The following GLT8D2 variants were observed in gnomAD, a reference collection of about 807,000 sequenced individuals.
GLT8D2 encodes glycosyltransferase 8 domain-containing protein 2.
Under a neutral mutation model 44.5 loss-of-function variants are expected in GLT8D2, and 45 were observed. The observed-to-expected ratio is 1.01, with a 90% confidence interval of 0.80 to 1.30. GLT8D2 has a LOEUF of 1.30. GLT8D2 is among the 50% of genes most tolerant of loss of function. The pLI, the probability that GLT8D2 is intolerant of heterozygous loss-of-function variation, is 0.00. For missense variants in GLT8D2, 400 were observed against 430.4 expected (o/e 0.93, Z 0.62); for synonymous variants, 156 against 157.2 (o/e 0.99, Z 0.06).
rs573809205 is a variant in GLT8D2, at chr12:103,999,295, T to C, written c.402+102A>G. 4.3e-5 allele frequency: 29 copies of C among 670,604 alleles called. No homozygotes were observed. The East Asian group carries it at 7.3e-4, about 17-fold the overall frequency. 41.5% of individuals were successfully genotyped at this position (670,604 alleles called of 1,614,324 possible). On this transcript the variant is annotated intron_variant, in intron 6 of 10. Coordinates refer to ENST00000360814, the MANE Select transcript of GLT8D2 (RefSeq NM_001384711.1). ...TTGGTGGAGATCAACTCCACATGGCTTCAAAAATAATATTCCACATGCATC... is the reference window on the plus strand; with the variant it reads ...TTGGTGGAGATCAACTCCACATGGCCTCAAAAATAATATTCCACATGCATC...
intron 1 of GLT8D2, among the ~76,000 whole-genome samples, chr12:104,044,623 C>A (rs915554515): frequency 6.6e-6 from 1 of 152,206 alleles, no homozygotes; most frequent in Admixed American, 6.5e-5. Context: ...ATCACCGAGT[C>A]CTACTAATTA....
At chr12:104,019,547 G>A (rs1398932927) in intron 3 of GLT8D2, 83 bp downstream of exon 3, 3 of 1,087,244 alleles carry the variant, frequency 2.8e-6, no homozygotes, top group South Asian at 2.9e-5. Flanking sequence ...ATCCAAGAAA[G>A]AAGAAAAGAG....
At position 103,989,280 on chromosome 12, in the gene GLT8D2, A is replaced by G; in HGVS notation, c.*128T>C. ...GTCCAAGGTATAATTTGCACACAGT[A>G]GTTTTTGGTTTTTATATTGTGGATC... On this transcript the variant is annotated 3_prime_UTR_variant, in exon 11 of 11. Coordinates refer to ENST00000360814, the MANE Select transcript of GLT8D2 (RefSeq NM_001384711.1). 1 of 706,750 alleles carries G rather than the reference A, an allele frequency of 1.4e-6. No homozygotes were observed. Among genetic ancestry groups the G allele is most frequent in the East Asian group, 2.8e-5 (1 of 36,036 alleles). 43.8% of individuals were successfully genotyped at this position (706,750 alleles called of 1,614,324 possible).
intron 1 of GLT8D2, among the ~76,000 whole-genome samples, chr12:104,022,074 G>GAAAGA (rs1877966436): frequency 3.4e-5 from 3 of 88,464 alleles, no homozygotes; most frequent in African/African-American, 1.4e-4. Context: ...AAGAAAGAAA[G>GAAAGA]AAAAAAAAAG....
At chr12:104,021,733 G>T (rs1877667352) in intron 1 of GLT8D2, among the ~76,000 whole-genome samples, 2 of 151,218 alleles carry the variant, frequency 1.3e-5, no homozygotes, top group African/African-American at 4.9e-5. Context: ...AGGCTGCAGT[G>T]AGCCATGGCT....
In GLT8D2 at chr12:103,989,075, A is replaced by C. The variant is rs1872386724; in HGVS notation, c.*333T>G. The C allele has an allele frequency of 5.8e-6, 1 of 173,678 alleles. No homozygotes were observed. Among genetic ancestry groups the C allele is most frequent in the South Asian group, 1.9e-4 (1 of 5,142 alleles). The allele number at this position is 173,678 out of a possible 1,614,324, so 10.8% of individuals were successfully genotyped here. A position where few individuals can be genotyped will look rare whatever the true frequency, so the allele number is the denominator to read the frequency against. ...AAAAGGTTGGCAACCTGTTAAGGAGATCTTCATGTGAAAAATACATGTAGA... is the reference window on the plus strand; with the variant it reads ...AAAAGGTTGGCAACCTGTTAAGGAGCTCTTCATGTGAAAAATACATGTAGA... On this transcript the variant is annotated 3_prime_UTR_variant, in exon 11 of 11. Transcript: ENST00000360814.
intron 1 of GLT8D2, among the ~76,000 whole-genome samples, chr12:104,024,985 G>A (rs888015059): frequency 4.1e-5 from 6 of 147,466 alleles, no homozygotes; most frequent in Non-Finnish European, 5.9e-5. Flanking sequence ...CAGGAGAATT[G>A]CCTGAACCTG....
intron 4 of GLT8D2, among the ~76,000 whole-genome samples, chr12:104,007,248 C>CTCTCTCTCTCTCTCTCTCTCTCTCTA (rs1875168176): frequency 6.8e-6 from 1 of 146,994 alleles, no homozygotes; most frequent in Non-Finnish European, 1.5e-5. Flanking sequence ...CTCTCTCTCT[C>CTCTCTCTCTCTCTCTCTCTCTCTCTA]TCTCTCTCTC....
Position 104,031,110 on chromosome 12 carries a change from A to G in GLT8D2, c.-163-9619T>C, listed in dbSNP as rs1593558767. 1.1e-5 allele frequency: 9 copies of G among 807,116 alleles called. No homozygotes were observed. The South Asian group carries it at 1.6e-4, about 14-fold the overall frequency. 50.0% of individuals were successfully genotyped at this position (807,116 alleles called of 1,614,324 possible). On this transcript the variant is annotated intron_variant, in intron 1 of 10. Coordinates refer to ENST00000360814, the MANE Select transcript of GLT8D2 (RefSeq NM_001384711.1). ...ACTGCTGCAAAGCATTGTGAGGCCC[A>G]GGTGAAGATCTGGAGGCGCTCCTAT...
rs185012274 is a variant in GLT8D2, at chr12:104,009,865, A to G, written c.112+5148T>C. On this transcript the variant is annotated intron_variant, in intron 4 of 10. Coordinates refer to ENST00000360814, the MANE Select transcript of GLT8D2 (RefSeq NM_001384711.1). Reference sequence around the variant, plus strand: ...TCATTTTCTTTTGCTGCTGCCATGTAAGAAGTGCCTTTCACCTCCCACATG... The same window carrying G: ...TCATTTTCTTTTGCTGCTGCCATGTGAGAAGTGCCTTTCACCTCCCACATG... Among the ~76,000 whole-genome samples, 8 of 152,268 alleles carry G rather than the reference A, an allele frequency of 5.3e-5. No individual in the cohort carries two copies. The East Asian group carries it at 1.5e-3, about 29-fold the overall frequency.
chr12:104,063,937 A>C (rs1429042616), intron 1 of GLT8D2: 1 of 152,332 alleles, frequency 6.6e-6, no homozygotes, highest in Non-Finnish European at 1.5e-5. Context: ...AAGCCAAACA[A>C]ACCAAAAATA....
intron 1 of GLT8D2, among the ~76,000 whole-genome samples, chr12:104,055,709 T>A (rs2722171): frequency 6.6e-6 from 1 of 152,132 alleles, no homozygotes; most frequent in Admixed American, 6.5e-5. Context: ...GGTCTGCCTT[T>A]ACTGAGTATA....
rs190045368 is a variant in GLT8D2 at position 104,022,007 on chromosome 12, A to G, written c.-163-516T>C. Among the ~76,000 whole-genome samples the G allele has an allele frequency of 1.7e-4, 13 of 76,730 alleles. 1 individual carries two copies. Among genetic ancestry groups the G allele is most frequent in the African/African-American group, 5.2e-4 (8 of 15,498 alleles). 50.3% of individuals were successfully genotyped at this position (76,730 alleles called of 152,430 possible). Reference sequence around the variant, plus strand: ...AGGAAGAAGAAGAAGAAGAAGAAGAAGAAGAAGAAGAAGAAAAAGAAGAAG... The same window carrying G: ...AGGAAGAAGAAGAAGAAGAAGAAGAGGAAGAAGAAGAAGAAAAAGAAGAAG... On this transcript the variant is annotated intron_variant, in intron 1 of 10. Coordinates refer to ENST00000360814, the MANE Select transcript of GLT8D2 (RefSeq NM_001384711.1).
At chr12:104,055,312 G>T (rs150372841) in intron 1 of GLT8D2, among the ~76,000 whole-genome samples, 5 of 152,246 alleles carry the variant, frequency 3.3e-5, no homozygotes. Context: ...AGCCTCTCAG[G>T]ACACTGAACA....
intron 5 of GLT8D2, 23 bp from the exon 6 acceptor site, chr12:103,999,537 CT>C (rs1873933782): frequency 1.1e-5 from 15 of 1,361,236 alleles, no homozygotes; most frequent in Non-Finnish European, 1.6e-5. Context: ...CCAAAAAAAC[CT>C]CTAGTATACC....
Position 103,998,753 on chromosome 12 carries a change from C to T in GLT8D2, c.402+644G>A, listed in dbSNP as rs555014150. On this transcript the variant is annotated intron_variant, in intron 6 of 10. Transcript: ENST00000360814. ...GTATAAACAGGGTCTCAATATGTTG[C>T]CCAAGCTGGTCTCAAACTTCTGAGC... 6.2e-4 allele frequency among the ~76,000 whole-genome samples: 94 copies of T among 152,108 alleles called. 1 individual carries two copies. The South Asian group carries it at 0.02, about 32-fold the overall frequency.
chr12:104,018,424 T>C (rs1877170140), intron 3 of GLT8D2, among the ~76,000 whole-genome samples: 2 of 152,162 alleles, frequency 1.3e-5, no homozygotes, highest in South Asian at 4.1e-4. Flanking sequence ...GTGATTCTAT[T>C]TTGCTGACAC....
intron 10 of GLT8D2, among the ~76,000 whole-genome samples, chr12:103,990,743 A>G (rs1053490409): frequency 6.6e-6 from 1 of 152,194 alleles, no homozygotes; most frequent in African/African-American, 2.4e-5. Context: ...CTATCGCAGC[A>G]TAACTGGAAT....
chr12:104,033,875 T>G (rs1052368290), intron 1 of GLT8D2, among the ~76,000 whole-genome samples: 3 of 151,712 alleles, frequency 2.0e-5, no homozygotes, highest in African/African-American at 4.8e-5. Flanking sequence ...TGGAGTGTAG[T>G]AGTGCAATCA....
Sources: gnomAD v4.1 joint callset for allele counts (sites outside exome capture counted in the v4.1 genomes callset) on GRCh38, gnomAD v4.1.1 for gene constraint, MANE v1.5 for transcripts, NCBI Gene and HGNC (gene_info 2026-07-23, HGNC 2026-07-21) for gene names.